The following MLIP variants were observed in gnomAD, a reference collection of about 807,000 sequenced individuals.
MLIP encodes the protein muscular LMNA-interacting protein.
A neutral mutation model predicts 84.8 loss-of-function variants in MLIP; 79 were observed. The ratio of observed to expected loss-of-function variants is 0.93; its 90% CI spans 0.78 to 1.12. The LOEUF (loss-of-function observed/expected upper bound fraction) is 1.12, where lower values mean the gene tolerates loss of function less well. Ranked by LOEUF, MLIP falls within the 50% of genes most tolerant of loss-of-function variation. The pLI is 0.00. For missense variants in MLIP, 1,257 were observed against 1,160.6 expected, an observed-to-expected ratio of 1.08 and a Z score of -1.21; for synonymous variants, 504 against 463.0, an observed-to-expected ratio of 1.09 and a Z score of -1.14.
At chr6:54,089,840 G>A (rs961879354) in intron 1 of MLIP, among the ~76,000 whole-genome samples, 5 of 151,996 alleles carry the variant, frequency 3.3e-5, no homozygotes, top group African/African-American at 9.7e-5. Flanking sequence ...AACAAAATTA[G>A]GCCATCAATA....
At chr6:54,146,173 TA>T (rs1307647999) in intron 4 of MLIP, among the ~76,000 whole-genome samples, 3 of 152,198 alleles carry the variant, frequency 2.0e-5, no homozygotes, top group African/African-American at 7.2e-5. Context: ...GGTGATAGCC[TA>T]CTCAGTGTGA....
chr6:54,110,017 G>A (rs1769331050), upstream of MLIP, among the ~76,000 whole-genome samples: 2 of 99,606 alleles, frequency 2.0e-5, no homozygotes, highest in African/African-American at 3.7e-5. Flanking sequence ...GAGTCTCGCT[G>A]TGTCGCCCAG....
At chr6:54,234,168 G>A (rs1165574198) in intron 12 of MLIP, among the ~76,000 whole-genome samples, 1 of 152,056 alleles carries the variant, frequency 6.6e-6, no homozygotes, top group African/African-American at 2.4e-5. Flanking sequence ...CAGGTTAAGA[G>A]GATGATGCCT....
intron 4 of MLIP, 102 bp downstream of exon 4, chr6:54,138,388 T>C: frequency 8.3e-6 from 11 of 1,326,952 alleles, no homozygotes; most frequent in Non-Finnish European, 1.1e-5. Context: ...TTAATTGTAC[T>C]CCTACAAGGA....
intron 3 of MLIP, among the ~76,000 whole-genome samples, chr6:54,133,053 G>A (rs1303327505): frequency 6.6e-6 from 1 of 152,128 alleles, no homozygotes; most frequent in African/African-American, 2.4e-5. Context: ...TGTTGGCAAT[G>A]CTGGCAAGAA....
chr6:54,075,202 A>G (rs1484847475), intron 1 of MLIP, among the ~76,000 whole-genome samples: 2 of 142,918 alleles, frequency 1.4e-5, no homozygotes, highest in South Asian at 4.5e-4. Context: ...AGCCAAGATC[A>G]GGCCATTGCA....
chr6:54,034,001 A>G (rs1234081160), intron 1 of MLIP, among the ~76,000 whole-genome samples: 1 of 152,204 alleles, frequency 6.6e-6, no homozygotes, highest in South Asian at 2.1e-4. Flanking sequence ...AGGGAAATAT[A>G]TTTGGATTAC....
intron 1 of MLIP, among the ~76,000 whole-genome samples, chr6:54,055,149 G>C (rs1454259538): frequency 6.6e-6 from 1 of 152,150 alleles, no homozygotes; most frequent in South Asian, 2.1e-4. Context: ...GCCTCCCAAA[G>C]TGTTGGGACT....
intron 1 of MLIP, among the ~76,000 whole-genome samples, chr6:54,052,241 G>T (rs1765418158): frequency 6.6e-6 from 1 of 152,106 alleles, no homozygotes; most frequent in African/African-American, 2.4e-5. Context: ...AGGCTCAGAT[G>T]AACATCTACC....
At chr6:54,134,547 T>A in intron 3 of MLIP, among the ~76,000 whole-genome samples, 1 of 151,878 alleles carries the variant, frequency 6.6e-6, no homozygotes, top group East Asian at 1.9e-4. Context: ...TAAAAATCAA[T>A]GTTTTAAATA....
chr6:54,231,476 TGC>T (rs1780996699), intron 12 of MLIP, among the ~76,000 whole-genome samples: 4 of 75,914 alleles, frequency 5.3e-5, no homozygotes, highest in Non-Finnish European at 8.7e-5. Context: ...TGCGTGTGTG[TGC>T]GTGTGTCTGT....
chr6:54,033,205 C>T (rs375876645), intron 1 of MLIP, among the ~76,000 whole-genome samples: 26 of 151,698 alleles, frequency 1.7e-4, no homozygotes, highest in African/African-American at 5.8e-4. Context: ...AAGTACTTTG[C>T]GATCATCACC....
chr6:54,096,397 C>T (rs1768216049), intron 1 of MLIP, among the ~76,000 whole-genome samples: 2 of 152,082 alleles, frequency 1.3e-5, no homozygotes, highest in Admixed American at 6.6e-5. Context: ...GCCCAGATCC[C>T]GTTTTGAGAA....
At chr6:54,073,225 C>G (rs1403027151) in intron 1 of MLIP, among the ~76,000 whole-genome samples, 1 of 152,170 alleles carries the variant, frequency 6.6e-6, no homozygotes, top group Admixed American at 6.5e-5. Flanking sequence ...CTGATCCTTC[C>G]TATACCTCAA....
At chr6:54,080,237 T>G (rs929696210) in intron 1 of MLIP, among the ~76,000 whole-genome samples, 9 of 152,174 alleles carry the variant, frequency 5.9e-5, no homozygotes, top group Non-Finnish European at 2.9e-5. Flanking sequence ...TGTACCTTAC[T>G]GTATTATTCA....
rs1359485866 is a variant in MLIP at position 54,137,307 on chromosome 6, G to C, written c.1238G>C (p.Arg413Pro). ...GGGGTAAAATCCCCGGTGCCTTCCCGGCTTGCCCTTCTCACTGCCATTCTC... is the reference window on the plus strand; with the variant it reads ...GGGGTAAAATCCCCGGTGCCTTCCCCGCTTGCCCTTCTCACTGCCATTCTC... ...KSGVKSPVPS[R>P]LALLTAILKS... is the part of the protein sequence containing the mutation. Residue 413 changes from arginine (R) to proline (P), a missense_variant, in exon 4 of 14, where the codon CGG becomes CCG. Transcript: ENST00000502396. 2.0e-6 allele frequency: 3 copies of C among 1,535,806 alleles called. No individual in the cohort carries two copies. The highest frequency in any genetic ancestry group is 1.7e-6 in the Non-Finnish European group (2 of 1,146,860).
intron 12 of MLIP, among the ~76,000 whole-genome samples, chr6:54,255,028 T>C (rs1782913999): frequency 6.6e-6 from 1 of 152,066 alleles, no homozygotes; most frequent in Non-Finnish European, 1.5e-5. Flanking sequence ...TTGTGTGGCC[T>C]TTCATAGTTA....
intron 1 of MLIP, among the ~76,000 whole-genome samples, chr6:54,097,927 C>T (rs1768330977): frequency 6.6e-6 from 1 of 152,112 alleles, no homozygotes; most frequent in Non-Finnish European, 1.5e-5. Flanking sequence ...TGACTTGCAC[C>T]ATGGTTGCTC....
At chr6:54,050,660 G>GT (rs1335184600) in intron 1 of MLIP, among the ~76,000 whole-genome samples, 1 of 151,988 alleles carries the variant, frequency 6.6e-6, no homozygotes, top group Non-Finnish European at 1.5e-5. Context: ...TAAATTCAAC[G>GT]TTTTTAATGA....
Sources: allele counts gnomAD v4.1 joint callset (sites outside exome capture counted in the v4.1 genomes callset), GRCh38; gene constraint gnomAD v4.1.1; transcripts MANE v1.5; gene names NCBI Gene and HGNC (gene_info 2026-07-23, HGNC 2026-07-21).